Variants in TMX1 observed in about 807,000 individuals in gnomAD.
TMX1 encodes the protein thioredoxin-related transmembrane protein 1.
TMX1 carries 25 observed loss-of-function variants against 36.6 expected under a neutral mutation model. The ratio of observed to expected loss-of-function variants is 0.68; its 90% confidence interval spans 0.50 to 0.95. The LOEUF (loss-of-function observed/expected upper bound fraction) is 0.95. TMX1 is among the 40% of genes least tolerant of loss of function. The pLI, the probability that TMX1 is intolerant of heterozygous loss-of-function variation, is 0.00. For missense variants in TMX1, 347 were observed against 339.6 expected (o/e 1.02, Z -0.17); for synonymous variants, 133 against 118.0 (o/e 1.13, Z -0.82).
chr14:51,256,830 A>G lies in TMX1; in HGVS notation c.*2311A>G, dbSNP rs2065840701. 2 of 152,240 alleles carry G rather than the reference A, an allele frequency of 1.3e-5. No homozygotes were observed. Among genetic ancestry groups the G allele is most frequent in the South Asian group, 2.1e-4 (1 of 4,838 alleles). The allele number at this position is 152,240 out of a possible 1,614,324, so 9.4% of individuals were successfully genotyped here. Reference sequence around the variant, plus strand: ...GCACATCTTTCAGGTGAGTCAGCCCAGAGGTGTGGTACAAATAGGTAAAAT... The same window carrying G: ...GCACATCTTTCAGGTGAGTCAGCCCGGAGGTGTGGTACAAATAGGTAAAAT... On this transcript the variant is annotated 3_prime_UTR_variant, in exon 8 of 8. Coordinates refer to ENST00000457354, the MANE Select transcript of TMX1 (RefSeq NM_030755.5).
chr14:51,249,858 CT>C, intron 7 of TMX1, 93 bp downstream of exon 7: 1 of 938,738 alleles, frequency 1.1e-6, no homozygotes, highest in Non-Finnish European at 1.6e-6. Flanking sequence ...GCTCTTCCAG[CT>C]TAGAATTCTA....
chr14:51,254,402 TGAA>T lies in TMX1; in HGVS notation c.732_734del (p.Glu244del), dbSNP rs2065828974. 3.1e-6 allele frequency: 5 copies of T among 1,612,292 alleles called. No individual in the cohort carries two copies. The highest frequency in any genetic ancestry group is 2.5e-6 in the Non-Finnish European group (3 of 1,179,174). On this transcript the variant is annotated inframe_deletion, in exon 8 of 8. Transcript: ENST00000457354. Reference sequence around the variant, plus strand: ...AAGTGGAGGAGGAACAAGAGGCGGATGAAGAAGATGTTTCAGAAGAAGAAGCTG... The same window carrying T: ...AAGTGGAGGAGGAACAAGAGGCGGATGAAGATGTTTCAGAAGAAGAAGCTG...
rs199560510 is a variant in TMX1 at position 51,247,188 on chromosome 14, C to G, written c.411C>G (p.Pro137=). 8 of 1,613,120 alleles carry G rather than the reference C, an allele frequency of 5.0e-6. No individual in the cohort carries two copies. Among genetic ancestry groups the G allele is most frequent in the Middle Eastern group, 3.3e-4 (2 of 5,998 alleles). ...ATAAAGAGTGGAAGAGTATTGAGCC[C>G]GTTTCATCATGGTTTGGTCCAGGTT... ...ISDKEWKSIE[P]VSSWFGPGSV... The change falls in exon 4 of 8, where the codon CCC becomes CCG. Residue 137 remains proline, a synonymous_variant. Transcript: ENST00000457354.
intron 1 of TMX1, among the ~76,000 whole-genome samples, chr14:51,243,371 A>T (rs1175272418): frequency 6.6e-6 from 1 of 152,222 alleles, no homozygotes; most frequent in African/African-American, 2.4e-5. Flanking sequence ...AGCCAGCCTT[A>T]GTGTGCCAGC....
Position 51,240,406 on chromosome 14 carries a change from C to G in TMX1, c.114C>G (p.Asn38Lys). 1 of 1,614,014 alleles carries G rather than the reference C, an allele frequency of 6.2e-7. No homozygotes were observed. Among genetic ancestry groups the G allele is most frequent in the Non-Finnish European group, 8.5e-7 (1 of 1,180,010 alleles). Residue 38 changes from asparagine (N) to lysine (K), a missense_variant, in exon 1 of 8, where the codon AAC becomes AAG. Asn to Lys is a moderately conservative substitution (Grantham distance 94). Coordinates refer to ENST00000457354, the MANE Select transcript of TMX1 (RefSeq NM_030755.5). The stretch of plus-strand genomic sequence containing the variant: ...ACGTTCGCGTCATCACGGACGAGAA[C>G]TGGAGAGAACTGCTGGAAGGAGACT... ...RSNVRVITDE[N>K]WRELLEGDWM... is the part of the protein sequence containing the mutation.
In TMX1 at chr14:51,254,802, T is replaced by G. The variant is rs1406582078; in HGVS notation, c.*283T>G. 4.6e-6 allele frequency: 1 copy of G among 216,676 alleles called. No homozygotes were observed. The highest frequency in any genetic ancestry group is 9.0e-6 in the Non-Finnish European group (1 of 111,544). 13.4% of individuals were successfully genotyped at this position (216,676 alleles called of 1,614,324 possible). A position where few individuals can be genotyped will look rare whatever the true frequency, so the allele number is the denominator to read the frequency against. ...TTGTTTAATAATAACCTATTTCAAG[T>G]CTGAGTTTTGAAAATTTACATTTCC... is the stretch of plus-strand genomic sequence containing the variant. On this transcript the variant is annotated 3_prime_UTR_variant, in exon 8 of 8. Transcript: ENST00000457354.
At chr14:51,252,197 ATGACT>A (rs2065817277) in intron 7 of TMX1, among the ~76,000 whole-genome samples, 1 of 150,804 alleles carries the variant, frequency 6.6e-6, no homozygotes, top group Non-Finnish European at 1.5e-5. Flanking sequence ...AATTTTTAAA[ATGACT>A]TGGCTAATTA....
chr14:51,254,316 T>C, intron 7 of TMX1, 25 bp from the exon 8 acceptor site: 1 of 1,566,698 alleles, frequency 6.4e-7, no homozygotes, highest in Non-Finnish European at 8.6e-7. Flanking sequence ...TCAACAAAAA[T>C]ACATTTTTGG....
intron 4 of TMX1, among the ~76,000 whole-genome samples, chr14:51,247,509 G>A (rs1263484500): frequency 1.4e-4 from 21 of 151,482 alleles, no homozygotes; most frequent in African/African-American, 3.4e-4. Flanking sequence ...GGTGCCCACC[G>A]CCACACGTGG....
chr14:51,242,726 C>G (rs559129710), intron 1 of TMX1, among the ~76,000 whole-genome samples: 46 of 152,016 alleles, frequency 3.0e-4, no homozygotes, highest in African/African-American at 1.1e-3. Flanking sequence ...GCAGTGAGCC[C>G]AGATGGCGCC....
In TMX1 at chr14:51,257,372, C is replaced by T. The variant is rs567387755; in HGVS notation, c.*2853C>T. On this transcript the variant is annotated 3_prime_UTR_variant, in exon 8 of 8. Transcript: ENST00000457354. ...TAAAATTATTGAGTGAACATTTTGG[C>T]TCATATTTTATGACATTGTAGTTCA... 3 of 152,182 alleles carry T rather than the reference C, an allele frequency of 2.0e-5. No individual in the cohort carries two copies. The highest frequency in any genetic ancestry group is 4.1e-4 in the South Asian group (2 of 4,824). The allele number at this position is 152,182 out of a possible 1,614,324, so 9.4% of individuals were successfully genotyped here.
chr14:51,244,187 T>G, intron 2 of TMX1: 1 of 372,434 alleles, frequency 2.7e-6, no homozygotes, highest in Non-Finnish European at 4.8e-6. Flanking sequence ...ACACCTCATT[T>G]CTTGAATGTG....
chr14:51,247,579 G>C (rs964067928), intron 4 of TMX1, among the ~76,000 whole-genome samples: 3 of 151,990 alleles, frequency 2.0e-5, no homozygotes, highest in African/African-American at 7.3e-5. Flanking sequence ...GGATGGTCTT[G>C]ATCTCCTGAC....
At position 51,256,838 on chromosome 14, in the gene TMX1, G is replaced by A. The variant is rs2065840738; in HGVS notation, c.*2319G>A. 2 of 152,088 alleles carry A rather than the reference G, an allele frequency of 1.3e-5. No individual in the cohort carries two copies. Among genetic ancestry groups the A allele is most frequent in the South Asian group, 4.1e-4 (2 of 4,828 alleles). The allele number at this position is 152,088 out of a possible 1,614,324, so 9.4% of individuals were successfully genotyped here. The stretch of plus-strand genomic sequence containing the variant: ...TTCAGGTGAGTCAGCCCAGAGGTGT[G>A]GTACAAATAGGTAAAATTTGAATCT... On this transcript the variant is annotated 3_prime_UTR_variant, in exon 8 of 8. Transcript: ENST00000457354.
In TMX1 at chr14:51,254,652, G is replaced by A. The variant is rs1455237327; in HGVS notation, c.*133G>A. The A allele has an allele frequency of 1.5e-5, 11 of 746,380 alleles. No homozygotes were observed. The highest frequency in any genetic ancestry group is 1.9e-5 in the Non-Finnish European group (9 of 481,264). 46.2% of individuals were successfully genotyped at this position (746,380 alleles called of 1,614,324 possible). A position where few individuals can be genotyped will look rare whatever the true frequency, so the allele number is the denominator to read the frequency against. On this transcript the variant is annotated 3_prime_UTR_variant, in exon 8 of 8. Coordinates refer to ENST00000457354, the MANE Select transcript of TMX1 (RefSeq NM_030755.5). Reference sequence around the variant, plus strand: ...GTCTAGATTGTCATTAAATTGAAGAGTCTACATTCAGAACATAAAAGCACT... The same window carrying A: ...GTCTAGATTGTCATTAAATTGAAGAATCTACATTCAGAACATAAAAGCACT...
chr14:51,253,938 G>A (rs2065826546), intron 7 of TMX1: 1 of 152,692 alleles, frequency 6.5e-6, no homozygotes, highest in African/African-American at 2.4e-5. Context: ...TTTTTAAAAG[G>A]CAGTCAAATT....
intron 7 of TMX1, among the ~76,000 whole-genome samples, chr14:51,251,097 A>G (rs933043606): frequency 6.6e-6 from 1 of 152,236 alleles, no homozygotes; most frequent in Non-Finnish European, 1.5e-5. Flanking sequence ...ATTGTGAATA[A>G]AATGTAAGAT....
intron 1 of TMX1, among the ~76,000 whole-genome samples, chr14:51,242,130 A>G (rs139574792): frequency 1.1e-3 from 167 of 152,052 alleles, no homozygotes; most frequent in Non-Finnish European, 2.1e-3. Context: ...CTCAATCTCA[A>G]AAAAAAAGTA....
chr14:51,254,297 T>G, intron 7 of TMX1, 44 bp from the exon 8 acceptor site: 1 of 1,537,270 alleles, frequency 6.5e-7, no homozygotes, highest in Non-Finnish European at 8.7e-7. Context: ...CTAAAGCAAA[T>G]CTAATACATC....
Sources: gnomAD v4.1 joint callset for allele counts (sites outside exome capture counted in the v4.1 genomes callset) on GRCh38, gnomAD v4.1.1 for gene constraint, MANE v1.5 for transcripts, NCBI Gene and HGNC (gene_info 2026-07-23, HGNC 2026-07-21) for gene names.